SH3BP2: variants seen among roughly 807,000 people sequenced by gnomAD.
The protein encoded by SH3BP2 is SH3 domain binding protein 2.
Under a neutral mutation model 56.2 loss-of-function variants are expected in SH3BP2, and 38 were observed. The ratio of observed to expected loss-of-function variants is 0.68; its 90% CI spans 0.52 to 0.89. The LOEUF (loss-of-function observed/expected upper bound fraction) is 0.89. Among genes scored for constraint, SH3BP2 ranks in the 40% least tolerant of loss-of-function variants. The pLI, the probability that SH3BP2 is intolerant of heterozygous loss-of-function variation, is 0.00. For synonymous variants in SH3BP2, 346 were observed against 316.7 expected, an observed-to-expected ratio of 1.09 and a Z score of -0.98; for missense variants, 748 against 762.6, an observed-to-expected ratio of 0.98 and a Z score of 0.23.
In SH3BP2 at chr4:2,836,465, A is replaced by G. The variant is rs1159360421; in HGVS notation, c.*2631A>G. 3 of 152,196 alleles carry G rather than the reference A, an allele frequency of 2.0e-5. No individual in the cohort carries two copies. Among genetic ancestry groups the G allele is most frequent in the Non-Finnish European group, 2.9e-5 (2 of 68,078 alleles). 9.4% of individuals were successfully genotyped at this position (152,196 alleles called of 1,614,324 possible). On this transcript the variant is annotated 3_prime_UTR_variant, in exon 13 of 13. Transcript: ENST00000503393. ...TGGAGAAGCAGCTGCTAGTAGACCC[A>G]TTTTACAGGTGAGAGAACCAAGTCT...
intron 1 of SH3BP2, among the ~76,000 whole-genome samples, chr4:2,802,402 A>ATGTGTG (rs1467639495): frequency 8.0e-5 from 8 of 100,428 alleles, no homozygotes; most frequent in Middle Eastern, 4.8e-3. Context: ...TCAAAAAAAT[A>ATGTGTG]TATGTGTGTG....
Position 2,827,591 on chromosome 4 carries a change from CCT to C in SH3BP2, c.518-11_518-10del, listed in dbSNP as rs754201419. The C allele has an allele frequency of 6.8e-5, 108 of 1,582,626 alleles. No individual in the cohort carries two copies. Among genetic ancestry groups the C allele is most frequent in the Non-Finnish European group, 9.0e-5 (105 of 1,163,780 alleles). Reference sequence around the variant, plus strand: ...GGGCCGGTTTGGCTCTCACCACCCCCCTCTCCCCATGCAGACTATGAGCACGA... The same window carrying C: ...GGGCCGGTTTGGCTCTCACCACCCCCCTCCCCATGCAGACTATGAGCACGA... On this transcript the variant is annotated splice_polypyrimidine_tract_variant and intron_variant, in intron 6 of 12. Transcript: ENST00000503393.
At chr4:2,811,443 T>A (rs1488701914) in intron 1 of SH3BP2, among the ~76,000 whole-genome samples, 1 of 152,074 alleles carries the variant, frequency 6.6e-6, no homozygotes, top group African/African-American at 2.4e-5. Flanking sequence ...TGCCCAGGGG[T>A]CCTGTCCTCC....
intron 1 of SH3BP2, among the ~76,000 whole-genome samples, chr4:2,801,163 C>G (rs910781354): frequency 1.3e-5 from 2 of 152,202 alleles, no homozygotes; most frequent in African/African-American, 4.8e-5. Flanking sequence ...GCGGCAGAGG[C>G]TGGGGGCTGG....
chr4:2,823,678 T>C, intron 3 of SH3BP2: 1 of 368,320 alleles, frequency 2.7e-6, no homozygotes, highest in South Asian at 2.0e-5. Flanking sequence ...CTGGTTCTGG[T>C]TGCTATCCCA....
intron 1 of SH3BP2, chr4:2,812,227 C>T (rs1278825408): frequency 6.7e-5 from 100 of 1,502,656 alleles, no homozygotes; most frequent in Middle Eastern, 2.4e-4. Context: ...CTACTTGGTG[C>T]TGCCCAGGGA....
chr4:2,796,561 G>A (rs755703026), intron 1 of SH3BP2: 419 of 701,600 alleles, frequency 6.0e-4, no homozygotes, highest in Non-Finnish European at 7.0e-4. Flanking sequence ...TCGGCCACCT[G>A]GAGCAGTTGC....
At chr4:2,799,212 G>A in intron 1 of SH3BP2, 8 of 985,550 alleles carry the variant, frequency 8.1e-6, no homozygotes, top group Non-Finnish European at 8.4e-6. Flanking sequence ...GCGGGACCCT[G>A]GGGGTGGAAT....
chr4:2,809,344 C>T (rs1221994814), intron 1 of SH3BP2, among the ~76,000 whole-genome samples: 3 of 151,732 alleles, frequency 2.0e-5, no homozygotes, highest in East Asian at 3.9e-4. Context: ...CCCACCTTCC[C>T]CCAGGTTCAG....
At chr4:2,813,734 C>G (rs1215727342) in intron 1 of SH3BP2, among the ~76,000 whole-genome samples, 1 of 152,088 alleles carries the variant, frequency 6.6e-6, no homozygotes, top group African/African-American at 2.4e-5. Context: ...TATCAGTATA[C>G]ATATGGGTGT....
Position 2,827,635 on chromosome 4 carries a change from T to A in SH3BP2, c.547T>A (p.Tyr183Asn). The A allele has an allele frequency of 6.3e-7, 1 of 1,590,534 alleles. No individual in the cohort carries two copies. ...TGAGCACGACGATGAGGATGACTCCTACCTGGAGCCTGACTCCCCGGAGCC... is the reference window on the plus strand; with the variant it reads ...TGAGCACGACGATGAGGATGACTCCAACCTGGAGCCTGACTCCCCGGAGCC... ...DYEHDDEDDSYLEPDSPEPGR... is the reference protein window; with the variant it reads ...DYEHDDEDDSNLEPDSPEPGR... The change falls in exon 7 of 13, where the codon TAC (tyrosine) becomes AAC (asparagine). Residue 183 changes from tyrosine (Y) to asparagine (N), a missense_variant. Coordinates refer to ENST00000503393, the MANE Select transcript of SH3BP2 (RefSeq NM_001122681.2).
At chr4:2,812,725 C>A (rs1248998624) in intron 1 of SH3BP2, among the ~76,000 whole-genome samples, 1 of 137,128 alleles carries the variant, frequency 7.3e-6, no homozygotes, top group Admixed American at 7.1e-5. Context: ...ACTTAGAACC[C>A]CCCCCACCCC....
In SH3BP2 at chr4:2,829,812, C is replaced by A; in HGVS notation, c.906C>A (p.Ser302Arg). The change falls in exon 8 of 13, where the codon AGC (serine) becomes AGA (arginine). Residue 302 changes from serine (S) to arginine (R), a missense_variant. By Grantham distance (110) the Ser-to-Arg change is moderately radical. Coordinates refer to ENST00000503393, the MANE Select transcript of SH3BP2 (RefSeq NM_001122681.2). This position sits in a 1 kb window ranked among gnomAD's most constrained non-coding sequence, Gnocchi z 4.9. ...CCCCTTGCTTCCGGGAGAGTGCCAG[C>A]CCCAGCCCGGAGCCCTGGACCCCTG... Reference protein sequence around the residue: ...RKPPCFRESASPSPEPWTPGH... With the variant: ...RKPPCFRESARPSPEPWTPGH... 1 of 1,613,306 alleles carries A rather than the reference C, an allele frequency of 6.2e-7. No individual in the cohort carries two copies. Among genetic ancestry groups the A allele is most frequent in the African/African-American group, 1.3e-5 (1 of 75,030 alleles).
intron 1 of SH3BP2, among the ~76,000 whole-genome samples, chr4:2,819,761 A>T (rs1247580017): frequency 6.6e-6 from 1 of 152,090 alleles, no homozygotes; most frequent in Non-Finnish European, 1.5e-5. Context: ...GGATGAGTAG[A>T]AGTTCTCTGC....
chr4:2,813,145 G>A (rs1000465129), intron 1 of SH3BP2, among the ~76,000 whole-genome samples: 7 of 152,240 alleles, frequency 4.6e-5, no homozygotes, highest in Non-Finnish European at 1.0e-4. Flanking sequence ...AGGAAACAAG[G>A]GAAACCGAAA....
At chr4:2,796,443 G>A (rs231331) in intron 1 of SH3BP2, 252,017 of 985,094 alleles carry the variant, frequency 0.26, 40,140 homozygotes, top group African/African-American at 0.75. Context: ...ATCACAGATC[G>A]TGCTGGAACT....
intron 2 of SH3BP2, among the ~76,000 whole-genome samples, chr4:2,822,238 C>T: frequency 6.6e-6 from 1 of 152,118 alleles, no homozygotes; most frequent in East Asian, 1.9e-4. Context: ...TCACTGCAGC[C>T]TCGACCTCCT....
rs1345522612 is a variant in SH3BP2 at position 2,834,131 on chromosome 4, A to G, written c.*297A>G. On this transcript the variant is annotated 3_prime_UTR_variant, in exon 13 of 13. Coordinates refer to ENST00000503393, the MANE Select transcript of SH3BP2 (RefSeq NM_001122681.2). ...GTGCCTGGGCTCCAAGGACAGGAACACTGGTCCCCCCATCACACTCACCCC... is the reference window on the plus strand; with the variant it reads ...GTGCCTGGGCTCCAAGGACAGGAACGCTGGTCCCCCCATCACACTCACCCC... 3 of 396,844 alleles carry G rather than the reference A, an allele frequency of 7.6e-6. No homozygotes were observed. The Admixed American group carries it at 1.2e-4, about 16-fold the overall frequency. The allele number at this position is 396,844 out of a possible 1,614,324, so 24.6% of individuals were successfully genotyped here.
At chr4:2,796,846 G>A (rs1035992910) in intron 1 of SH3BP2, among the ~76,000 whole-genome samples, 7 of 152,234 alleles carry the variant, frequency 4.6e-5, no homozygotes, top group Non-Finnish European at 7.3e-5. Flanking sequence ...CATGGCACAC[G>A]GGGCTGAGGC....
Sources: allele counts gnomAD v4.1 joint callset (sites outside exome capture counted in the v4.1 genomes callset), GRCh38; gene constraint gnomAD v4.1.1; non-coding constraint Gnocchi (gnomAD v3.1); transcripts MANE v1.5; gene names NCBI Gene and HGNC (gene_info 2026-07-23, HGNC 2026-07-21).